LAMA5: variants seen among roughly 807,000 people sequenced by gnomAD.
LAMA5 encodes the protein laminin subunit alpha 5, also known as laminin subunit alpha-5.
In LAMA5, 260 loss-of-function variants were observed where a neutral mutation model predicts 433.4. The ratio of observed to expected loss-of-function variants is 0.60; its 90% CI spans 0.54 to 0.66. LAMA5 has a LOEUF of 0.66. LAMA5 is among the 30% of genes least tolerant of loss of function. The pLI is 0.00. For missense variants in LAMA5, 5,378 were observed against 5,258.5 expected (o/e 1.02, Z -0.70); for synonymous variants, 2,620 against 2,226.6 (o/e 1.18, Z -4.97).
intron 23 of LAMA5, 51 bp downstream of exon 23, chr20:62,333,850 G>GTGT: frequency 6.8e-7 from 1 of 1,476,040 alleles, no homozygotes; most frequent in Non-Finnish European, 9.1e-7. Flanking sequence ...GGGTGGGGTG[G>GTGT]GGTGGGCTGG....
At chr20:62,312,589 C>A in intron 67 of LAMA5, 43 bp downstream of exon 67, 3 of 1,599,804 alleles carry the variant, frequency 1.9e-6, no homozygotes, top group Non-Finnish European at 2.5e-6. Flanking sequence ...GCCTACCGCC[C>A]CAACAGCCTG....
At chr20:62,366,709 G>A (rs1487887719) in intron 1 of LAMA5, among the ~76,000 whole-genome samples, 6 of 152,254 alleles carry the variant, frequency 3.9e-5, no homozygotes, top group Admixed American at 3.3e-4. Context: ...AACTGGACCG[G>A]CGCCCAGCCG....
At chr20:62,358,800 TCA>T (rs1985618261) in intron 2 of LAMA5, among the ~76,000 whole-genome samples, 1 of 152,064 alleles carries the variant, frequency 6.6e-6, no homozygotes, top group African/African-American at 2.4e-5. Context: ...CTAGGGAAAC[TCA>T]CACTCCAGTG....
In LAMA5 at chr20:62,310,817, A is replaced by G. The variant is rs1179560891; in HGVS notation, c.10294T>C (p.Trp3432Arg). 2.6e-6 allele frequency: 4 copies of G among 1,557,650 alleles called. No individual in the cohort carries two copies. The highest frequency in any genetic ancestry group is 3.5e-6 in the Non-Finnish European group (4 of 1,151,192). ...PGRWHKVSVR[W>R]EKNRILLVTD... ...ACCAGCAGGATCCGGTTCTTCTCCC[A>G]GCGCACGGAGACCTGGGGGCAGGAG... Residue 3432 changes from tryptophan to arginine, a missense_variant, in exon 75 of 80, where the codon TGG (tryptophan) becomes CGG (arginine). Coordinates refer to ENST00000252999, the MANE Select transcript of LAMA5 (RefSeq NM_005560.6).
At chr20:62,335,330 C>A (rs1301075976) in intron 18 of LAMA5, 61 bp from the exon 19 acceptor site, 2 of 1,564,116 alleles carry the variant, frequency 1.3e-6, no homozygotes, top group African/African-American at 1.4e-5. Context: ...GCTCCAGCCC[C>A]CCGAGGAACC....
rs1308039765 is a variant in LAMA5 at position 62,326,743 on chromosome 20, G to A, written c.5232C>T (p.Ile1744=). The A allele has an allele frequency of 6.2e-7, 1 of 1,613,038 alleles. No individual in the cohort carries two copies. The highest frequency in any genetic ancestry group is 1.3e-5 in the African/African-American group (1 of 75,054). ...TGGGGTATGCCGGCTCCAGGAATGT[G>A]ATGCTCATCTGGTTGCCCTGGGAAG... The part of the protein sequence containing the change: ...DVVLQGNQMS[I]TFLEPAYPTP... Residue 1744 remains isoleucine, a synonymous_variant, in exon 40 of 80, where the codon ATC becomes ATT. Coordinates refer to ENST00000252999, the MANE Select transcript of LAMA5 (RefSeq NM_005560.6).
chr20:62,356,795 G>C (rs987451763), intron 2 of LAMA5, among the ~76,000 whole-genome samples: 2 of 152,106 alleles, frequency 1.3e-5, no homozygotes, highest in Non-Finnish European at 2.9e-5. Flanking sequence ...AGGGGCATCA[G>C]GATAAAATGC....
At position 62,310,819 on chromosome 20, in the gene LAMA5, C is replaced by T. The variant is rs369031449; in HGVS notation, c.10292G>A (p.Arg3431His). The T allele has an allele frequency of 9.4e-5, 147 of 1,557,568 alleles. No individual in the cohort carries two copies. Among genetic ancestry groups the T allele is most frequent in the South Asian group, 6.9e-4 (58 of 84,420 alleles). The change falls in exon 75 of 80, where the codon CGC (arginine) becomes CAC (histidine). Residue 3431 changes from arginine (R) to histidine (H), a missense_variant. Arg to His is a conservative substitution (Grantham distance 29). Coordinates refer to ENST00000252999, the MANE Select transcript of LAMA5 (RefSeq NM_005560.6). ...RPGRWHKVSV[R>H]WEKNRILLVT... ...CAGCAGGATCCGGTTCTTCTCCCAG[C>T]GCACGGAGACCTGGGGGCAGGAGAT...
At chr20:62,358,056 AACAG>A (rs1985496218) in intron 2 of LAMA5, among the ~76,000 whole-genome samples, 1 of 152,150 alleles carries the variant, frequency 6.6e-6, no homozygotes, top group South Asian at 2.1e-4. Flanking sequence ...CTTGTTTAGA[AACAG>A]ACAGAAAACA....
chr20:62,362,166 T>G (rs1327918247), intron 2 of LAMA5, among the ~76,000 whole-genome samples: 1 of 152,206 alleles, frequency 6.6e-6, no homozygotes, highest in Admixed American at 6.5e-5. Flanking sequence ...AACACCCCCA[T>G]GAGCACCCGC....
In LAMA5 at chr20:62,317,452, C is replaced by G. The variant is rs745401346; in HGVS notation, c.7404G>C (p.Leu2468=). The G allele has an allele frequency of 2.5e-6, 4 of 1,590,178 alleles. No individual in the cohort carries two copies. The Admixed American group carries it at 7.0e-5, about 28-fold the overall frequency. ...AASLDGARTP[L]LQRMQTFSPA... ...GGGAGAAGGTCTGCATCCTCTGCAG[C>G]AGTGGGGTCCGAGCCCCATCCAGGC... The change falls in exon 55 of 80, where the codon CTG becomes CTC. Residue 2468 remains leucine (L), a synonymous_variant. Transcript: ENST00000252999.
chr20:62,350,090 C>A (rs1984063846), intron 6 of LAMA5, among the ~76,000 whole-genome samples: 2 of 151,746 alleles, frequency 1.3e-5, no homozygotes, highest in Non-Finnish European at 2.9e-5. Flanking sequence ...CTTGCACCTG[C>A]AGGGAGAGCT....
chr20:62,351,382 G>A (rs1459001487), intron 6 of LAMA5: 2 of 500,996 alleles, frequency 4.0e-6, no homozygotes, highest in African/African-American at 3.8e-5. Flanking sequence ...CCTCCACAGG[G>A]CCCCAGGTGT....
chr20:62,311,472 C>G lies in LAMA5; in HGVS notation c.9871G>C (p.Gly3291Arg). 1 of 1,609,574 alleles carries G rather than the reference C, an allele frequency of 6.2e-7. No homozygotes were observed. Among genetic ancestry groups the G allele is most frequent in the Non-Finnish European group, 8.5e-7 (1 of 1,178,514 alleles). ...QNLGSVNVST[G>R]CAPALQAQTP... ...TGGGCTTGCAGGGCGGGTGCACAGC[C>G]CGTGCTCACATTGACGCTGCCCAGG... Residue 3291 changes from glycine (G) to arginine (R), a missense_variant, in exon 72 of 80, where the codon GGC becomes CGC. By Grantham distance (125) the Gly-to-Arg change is moderately radical. Coordinates refer to ENST00000252999, the MANE Select transcript of LAMA5 (RefSeq NM_005560.6).
rs200188280 is a variant in LAMA5, at chr20:62,352,095, G to A, written c.688-16C>T. 4.5e-5 allele frequency: 72 copies of A among 1,609,262 alleles called. No individual in the cohort carries two copies. Among genetic ancestry groups the A allele is most frequent in the African/African-American group, 4.4e-4 (33 of 74,996 alleles). ...ACACCACGATCTGTGGGCAGTATGCGGTGACGCCAGTGTGGCCCTAGCCCC... is the reference window on the plus strand; with the variant it reads ...ACACCACGATCTGTGGGCAGTATGCAGTGACGCCAGTGTGGCCCTAGCCCC... On this transcript the variant is annotated splice_polypyrimidine_tract_variant and intron_variant, in intron 4 of 79. Transcript: ENST00000252999.
intron 2 of LAMA5, among the ~76,000 whole-genome samples, chr20:62,358,942 G>T (rs1985636447): frequency 6.6e-6 from 1 of 152,080 alleles, no homozygotes; most frequent in Non-Finnish European, 1.5e-5. Flanking sequence ...AGGGGCACAG[G>T]CCCTCACCTG....
At position 62,322,026 on chromosome 20, in the gene LAMA5, G is replaced by T; in HGVS notation, c.6489C>A (p.His2163Gln). 1 of 1,598,624 alleles carries T rather than the reference G, an allele frequency of 6.3e-7. No individual in the cohort carries two copies. Among genetic ancestry groups the T allele is most frequent in the South Asian group, 1.1e-5 (1 of 91,076 alleles). The change falls in exon 48 of 80, where the codon CAC becomes CAA. Residue 2163 changes from histidine (H) to glutamine (Q), a missense_variant. His to Gln is a conservative substitution (Grantham distance 24, BLOSUM62 0). Coordinates refer to ENST00000252999, the MANE Select transcript of LAMA5 (RefSeq NM_005560.6). ...VPGGPVGHSI[H>Q]CEVCDHCVVL... is the part of the protein sequence containing the mutation. The stretch of plus-strand genomic sequence containing the variant: ...GGGGTGTTGAGGACACACCTTCACA[G>T]TGGATGCTGTGGCCCACAGGCCCGC...
At position 62,336,432 on chromosome 20, in the gene LAMA5, C is replaced by A; in HGVS notation, c.2231G>T (p.Cys744Phe). Residue 744 changes from cysteine to phenylalanine, a missense_variant, in exon 18 of 80, where the codon TGT becomes TTT. Cys to Phe is a radical substitution (Grantham distance 205). Coordinates refer to ENST00000252999, the MANE Select transcript of LAMA5 (RefSeq NM_005560.6). ...CCCCTCCACGTGAGCCCGGCACATA[C>A]AGGGAACCTGTGCCTGGGAGAGGAC... is the stretch of plus-strand genomic sequence containing the variant. The part of the protein sequence containing the change: ...DPALPEAQVP[C>F]MCRAHVEGPS... 6.2e-7 allele frequency: 1 copy of A among 1,612,260 alleles called. No homozygotes were observed. The highest frequency in any genetic ancestry group is 8.5e-7 in the Non-Finnish European group (1 of 1,179,652).
At position 62,322,387 on chromosome 20, in the gene LAMA5, G is replaced by A. The variant is rs2274935; in HGVS notation, c.6228C>T (p.Ala2076=). Residue 2076 remains alanine (A), a synonymous_variant, in exon 47 of 80, where the codon GCC becomes GCT. Coordinates refer to ENST00000252999, the MANE Select transcript of LAMA5 (RefSeq NM_005560.6). ...GCRPCACGPA[A]EGSECHPQSG... ...TCTGGGGGTGGCACTCGGAGCCCTC[G>A]GCGGCCGGTCCACAAGCACACGGGC... 6.2e-5 allele frequency: 98 copies of A among 1,592,052 alleles called. 1 individual carries two copies. The East Asian group carries it at 8.9e-4, about 14-fold the overall frequency.
Sources: gnomAD v4.1 joint callset for allele counts (sites outside exome capture counted in the v4.1 genomes callset) on GRCh38, gnomAD v4.1.1 for gene constraint, MANE v1.5 for transcripts, NCBI Gene and HGNC (gene_info 2026-07-23, HGNC 2026-07-21) for gene names.